Variants in GRM7 observed in about 807,000 individuals in gnomAD.
GRM7 encodes metabotropic glutamate receptor 7.
Under a neutral mutation model 84.5 loss-of-function variants are expected in GRM7, and 35 were observed. The observed-to-expected ratio is 0.41, with a 90% CI of 0.32 to 0.55. The LOEUF is 0.55. GRM7 is among the 20% of genes least tolerant of loss of function. The pLI is 0.19. For synonymous variants in GRM7, 487 were observed against 455.1 expected, an observed-to-expected ratio of 1.07 and a Z score of -0.89; for missense variants, 1,003 against 1,194.6, an observed-to-expected ratio of 0.84 and a Z score of 2.36.
At chr3:7,166,425 A>T (rs1175569418) in intron 2 of GRM7, among the ~76,000 whole-genome samples, 2 of 152,156 alleles carry the variant, frequency 1.3e-5, no homozygotes, top group African/African-American at 4.8e-5. Flanking sequence ...CAATAAGCTG[A>T]TGAATGAATC....
chr3:7,020,702 G>T (rs1695745996), intron 1 of GRM7, among the ~76,000 whole-genome samples: 1 of 152,018 alleles, frequency 6.6e-6, no homozygotes, highest in Non-Finnish European at 1.5e-5. Context: ...TATCATCCTG[G>T]TAATCTCGTG....
At chr3:7,191,031 T>A (rs1695694128) in intron 2 of GRM7, among the ~76,000 whole-genome samples, 1 of 152,200 alleles carries the variant, frequency 6.6e-6, no homozygotes, top group South Asian at 2.1e-4. Context: ...TGCTAATTTT[T>A]CAATATAACA....
At chr3:7,323,615 AG>A (rs1343549841) in intron 4 of GRM7, among the ~76,000 whole-genome samples, 1 of 152,216 alleles carries the variant, frequency 6.6e-6, no homozygotes, top group Non-Finnish European at 1.5e-5. Context: ...CTCATGTGAA[AG>A]CAAGCTGCTT....
At position 7,188,210 on chromosome 3, in the gene GRM7, G is replaced by A. The variant is rs948615790; in HGVS notation, c.736+41542G>A. On this transcript the variant is annotated intron_variant, in intron 2 of 9. Transcript: ENST00000357716. This position sits in a 1 kb window ranked among gnomAD's most constrained non-coding sequence, Gnocchi z 4.2. ...ATGCTTTTATTTCAGAGAATCACTG[G>A]CAGCAAGAGGGAAGATCAGCATTAT... Among the ~76,000 whole-genome samples, 1 of 152,120 alleles carries A rather than the reference G, an allele frequency of 6.6e-6. No homozygotes were observed. Among genetic ancestry groups the A allele is most frequent in the African/African-American group, 2.4e-5 (1 of 41,416 alleles).
chr3:6,886,470 T>A (rs189452224), intron 1 of GRM7, among the ~76,000 whole-genome samples: 1 of 152,280 alleles, frequency 6.6e-6, no homozygotes, highest in African/African-American at 2.4e-5. Context: ...ATTGTGCACA[T>A]GTACCTTAGA....
intron 9 of GRM7, among the ~76,000 whole-genome samples, chr3:7,694,067 AT>A (rs1700921120): frequency 6.6e-6 from 1 of 152,130 alleles, no homozygotes; most frequent in African/African-American, 2.4e-5. Flanking sequence ...AGTAGCATTC[AT>A]GGGGGGTTCT....
chr3:7,550,713 T>C (rs1348085079), intron 7 of GRM7, among the ~76,000 whole-genome samples: 3 of 151,650 alleles, frequency 2.0e-5, no homozygotes, highest in African/African-American at 7.3e-5. Flanking sequence ...TGTATGCTTT[T>C]TCTGAAATGC....
At position 7,727,335 on chromosome 3, in the gene GRM7, T is replaced by C. The variant is rs182761373; in HGVS notation, c.2699-13022T>C. The stretch of plus-strand genomic sequence containing the variant: ...CTTTTTTCACATTCTTAATACATAC[T>C]GCTTTTCAAATGCATGTTGCTTGTA... On this transcript the variant is annotated intron_variant, in intron 9 of 9. Transcript: ENST00000357716. 1.4e-4 allele frequency among the ~76,000 whole-genome samples: 21 copies of C among 152,318 alleles called. No homozygotes were observed. The East Asian group carries it at 4.0e-3, about 29-fold the overall frequency.
chr3:7,659,445 T>A (rs1482131141), intron 8 of GRM7, among the ~76,000 whole-genome samples: 1 of 149,544 alleles, frequency 6.7e-6, no homozygotes, highest in Non-Finnish European at 1.5e-5. Flanking sequence ...TCGGTAATGG[T>A]CAGACTATTT....
intron 1 of GRM7, among the ~76,000 whole-genome samples, chr3:6,935,467 T>C (rs1697654037): frequency 2.0e-5 from 3 of 151,736 alleles, no homozygotes; most frequent in Admixed American, 1.3e-4. Context: ...GAAACATTGA[T>C]AGTATTTTAA....
At chr3:7,068,908 C>T (rs1409372258) in intron 1 of GRM7, among the ~76,000 whole-genome samples, 1 of 151,894 alleles carries the variant, frequency 6.6e-6, no homozygotes, top group East Asian at 1.9e-4. Context: ...GAATTAAAGA[C>T]AGTTTTTATG....
intron 7 of GRM7, among the ~76,000 whole-genome samples, chr3:7,466,427 T>A (rs1370543086): frequency 2.6e-5 from 4 of 152,162 alleles, no homozygotes; most frequent in African/African-American, 9.7e-5. Context: ...GCAGTAATAT[T>A]TAAAAATTAG....
chr3:7,714,551 T>C (rs917053972), intron 9 of GRM7, among the ~76,000 whole-genome samples: 36 of 152,160 alleles, frequency 2.4e-4, no homozygotes, highest in African/African-American at 8.4e-4. Flanking sequence ...CCATTGCAGA[T>C]TGAGTCAGAA....
intron 7 of GRM7, among the ~76,000 whole-genome samples, chr3:7,506,977 C>T (rs550346447): frequency 2.0e-5 from 3 of 152,260 alleles, no homozygotes; most frequent in African/African-American, 7.2e-5. Flanking sequence ...TTTTATCAGA[C>T]AGCCTTCATA....
chr3:6,980,406 C>G (rs1694156172), intron 1 of GRM7, among the ~76,000 whole-genome samples: 1 of 152,068 alleles, frequency 6.6e-6, no homozygotes, highest in African/African-American at 2.4e-5. Context: ...TGAATTTGTT[C>G]TTTGTATTCC....
chr3:7,335,881 A>T (rs1214311009), intron 4 of GRM7, among the ~76,000 whole-genome samples: 1 of 152,082 alleles, frequency 6.6e-6, no homozygotes, highest in African/African-American at 2.4e-5. Context: ...GAACAGACCA[A>T]TAACAAGCAG....
chr3:7,319,865 A>G (rs889478847), intron 4 of GRM7, among the ~76,000 whole-genome samples: 1 of 152,018 alleles, frequency 6.6e-6, no homozygotes, highest in African/African-American at 2.4e-5. Context: ...TATAATTAGC[A>G]TAGACTAAGA....
intron 1 of GRM7, among the ~76,000 whole-genome samples, chr3:7,027,145 A>G (rs1196369411): frequency 5.3e-5 from 8 of 152,192 alleles, no homozygotes; most frequent in Non-Finnish European, 1.0e-4. Context: ...GAAAATCACA[A>G]CACTTCACCT....
chr3:7,665,981 G>T (rs1278956008), intron 8 of GRM7, among the ~76,000 whole-genome samples: 3 of 152,052 alleles, frequency 2.0e-5, no homozygotes, highest in African/African-American at 7.3e-5. Context: ...CTTCATTTTT[G>T]ATAGGTGTTC....
Sources: allele counts gnomAD v4.1 joint callset (sites outside exome capture counted in the v4.1 genomes callset), GRCh38; gene constraint gnomAD v4.1.1; non-coding constraint Gnocchi (gnomAD v3.1); transcripts MANE v1.5; gene names NCBI Gene and HGNC (gene_info 2026-07-23, HGNC 2026-07-21).